The following GBF1 variants were observed in gnomAD, a reference collection of about 807,000 sequenced individuals.
The protein encoded by GBF1 is Golgi-specific brefeldin A-resistance guanine nucleotide exchange factor 1.
A neutral mutation model predicts 210.5 loss-of-function variants in GBF1; 114 were observed. The ratio of observed to expected loss-of-function variants is 0.54; its 90% confidence interval spans 0.47 to 0.63. GBF1 has a LOEUF of 0.63. GBF1 is among the 30% of genes least tolerant of loss of function. The probability of loss-of-function intolerance (pLI) is 0.00; values close to 1 mark genes in which losing one functional copy is unlikely to be tolerated. For missense variants in GBF1, 1,851 were observed against 2,357.7 expected (o/e 0.79, Z 4.45); for synonymous variants, 850 against 889.2 (o/e 0.96, Z 0.78).
chr10:102,306,752 GTGGCCAAGGAAT>G, intron 3 of GBF1, among the ~76,000 whole-genome samples: 1 of 152,182 alleles, frequency 6.6e-6, no homozygotes, highest in Non-Finnish European at 1.5e-5. Flanking sequence ...AGTTACTGAT[GTGGCCAAGGAAT>G]TGGCCATTAT....
At chr10:102,310,975 T>C (rs527790155) in intron 3 of GBF1, among the ~76,000 whole-genome samples, 1 of 152,326 alleles carries the variant, frequency 6.6e-6, no homozygotes, top group South Asian at 2.1e-4. Context: ...GACTCAGCAG[T>C]GTGCAGGGTA....
chr10:102,244,465 A>C (rs2070658003), upstream of GBF1, among the ~76,000 whole-genome samples: 1 of 152,198 alleles, frequency 6.6e-6, no homozygotes, highest in African/African-American at 2.4e-5. Context: ...TAATACAGGT[A>C]ATTCTAAATA....
intron 3 of GBF1, among the ~76,000 whole-genome samples, chr10:102,271,316 C>T (rs2074396577): frequency 6.6e-6 from 1 of 152,100 alleles, no homozygotes; most frequent in Admixed American, 6.5e-5. Context: ...GAATTACAGG[C>T]GTGAGCCACC....
rs764543711 is a variant in GBF1 at position 102,380,543 on chromosome 10, T to C, written c.5030T>C (p.Leu1677Pro). The change falls in exon 38 of 40, where the codon CTG (leucine) becomes CCG (proline). Residue 1677 changes from leucine to proline, a missense_variant. Physicochemically the swap from Leu to Pro is moderately conservative, Grantham distance 98. Transcript: ENST00000369983. The part of the protein sequence containing the change: ...AIPESLKNML[L>P]VMDTAEIFHS... ...CCTGAGTCTCTGAAGAACATGCTTCTGGTGATGGACACAGCGGAGATTTTC... is the reference window on the plus strand; with the variant it reads ...CCTGAGTCTCTGAAGAACATGCTTCCGGTGATGGACACAGCGGAGATTTTC... The C allele has an allele frequency of 6.2e-7, 1 of 1,613,908 alleles. No homozygotes were observed. Among genetic ancestry groups the C allele is most frequent in the Non-Finnish European group, 8.5e-7 (1 of 1,179,906 alleles).
chr10:102,231,637 G>A, the GBF1 span: 2 of 1,612,184 alleles, frequency 1.2e-6, no homozygotes, highest in South Asian at 2.2e-5. Flanking sequence ...CTCCTCGCGC[G>A]TGCTCATGTC....
In GBF1 at chr10:102,362,686, G is replaced by C. The variant is rs924019870; in HGVS notation, c.1876+22G>C. 6 of 1,580,904 alleles carry C rather than the reference G, an allele frequency of 3.8e-6. No individual in the cohort carries two copies. In the African/African-American group the frequency reaches 8.1e-5, roughly 21 times the overall value. ...AATAGTGAGAGGCATTTCTTTCTTT[G>C]ATGAACCCAGTGTTCTATGCTTATC... On this transcript the variant is annotated intron_variant, in intron 15 of 39. Transcript: ENST00000369983.
chr10:102,340,976 G>A (rs35000717), intron 3 of GBF1, among the ~76,000 whole-genome samples: 11,882 of 152,228 alleles, frequency 0.078, 628 homozygotes, highest in Non-Finnish European at 0.12. Context: ...TTCATCAAGA[G>A]TAAAAGTGTC....
chr10:102,307,928 A>G (rs1016867592), intron 3 of GBF1, among the ~76,000 whole-genome samples: 3 of 152,248 alleles, frequency 2.0e-5, no homozygotes, highest in Non-Finnish European at 4.4e-5. Flanking sequence ...ATTAGTCATT[A>G]GGGAACTTCA....
chr10:102,340,983 T>C (rs563667001), intron 3 of GBF1, among the ~76,000 whole-genome samples: 7 of 152,310 alleles, frequency 4.6e-5, no homozygotes, highest in African/African-American at 1.7e-4. Context: ...AGAGTAAAAG[T>C]GTCTGTTCTA....
At chr10:102,237,619 A>G in the GBF1 span, among the ~76,000 whole-genome samples, 3 of 152,152 alleles carry the variant, frequency 2.0e-5, no homozygotes, top group Non-Finnish European at 4.4e-5. Flanking sequence ...CAAAAACAAC[A>G]TCTACTAGAA....
chr10:102,246,024 C>T (rs1329065797), intron 1 of GBF1, among the ~76,000 whole-genome samples: 4 of 152,120 alleles, frequency 2.6e-5, no homozygotes, highest in Non-Finnish European at 5.9e-5. Flanking sequence ...TGCAGGTGCC[C>T]AAATCTTCTG....
intron 3 of GBF1, among the ~76,000 whole-genome samples, chr10:102,334,052 A>G (rs570459367): frequency 2.0e-5 from 3 of 152,286 alleles, no homozygotes; most frequent in South Asian, 4.1e-4. Flanking sequence ...TACATGATCC[A>G]TCTTGTGAAT....
intron 3 of GBF1, among the ~76,000 whole-genome samples, chr10:102,306,676 G>A (rs1458858956): frequency 1.3e-5 from 2 of 152,164 alleles, no homozygotes; most frequent in African/African-American, 2.4e-5. Flanking sequence ...TGCCCACCTG[G>A]GCCTCCCAAA....
the GBF1 span, chr10:102,231,633 G>C: frequency 6.2e-7 from 1 of 1,611,940 alleles, no homozygotes. Flanking sequence ...CGATCTCCTC[G>C]CGCGTGCTCA....
At chr10:102,235,394 A>G in the GBF1 span, among the ~76,000 whole-genome samples, 1 of 152,104 alleles carries the variant, frequency 6.6e-6, no homozygotes, top group Non-Finnish European at 1.5e-5. Context: ...GTCATCTGGT[A>G]TAGCCCAAAG....
At chr10:102,317,250 G>C (rs1306728970) in intron 3 of GBF1, among the ~76,000 whole-genome samples, 3 of 152,142 alleles carry the variant, frequency 2.0e-5, no homozygotes, top group African/African-American at 7.2e-5. Flanking sequence ...GGGCAACATA[G>C]TGAGACCCTG....
intron 3 of GBF1, among the ~76,000 whole-genome samples, chr10:102,276,525 C>CA (rs67888654): frequency 4.0e-4 from 45 of 113,536 alleles, no homozygotes; most frequent in African/African-American, 1.2e-3. Flanking sequence ...GACTCTGCCT[C>CA]AAAAAAAAAA....
At chr10:102,343,378 A>AT (rs1380785307) in intron 3 of GBF1, among the ~76,000 whole-genome samples, 1 of 152,226 alleles carries the variant, frequency 6.6e-6, no homozygotes, top group African/African-American at 2.4e-5. Context: ...ACCTATTTAT[A>AT]TCACAGGGGA....
rs1000278833 is a variant in GBF1, at chr10:102,358,240, T to G, written c.787+54T>G. The G allele has an allele frequency of 2.7e-6, 4 of 1,506,502 alleles. No individual in the cohort carries two copies. The African/African-American group carries it at 4.2e-5, about 16-fold the overall frequency. 93.3% of individuals were successfully genotyped at this position (1,506,502 alleles called of 1,614,324 possible). On this transcript the variant is annotated intron_variant, in intron 9 of 39. Transcript: ENST00000369983. ...TAGACAAAAGAAGAGCTCCTTTCTC[T>G]CTTAGGGATTTTGAAATTGAAGACC...
Sources: gnomAD v4.1 joint callset for allele counts (sites outside exome capture counted in the v4.1 genomes callset) on GRCh38, gnomAD v4.1.1 for gene constraint, MANE v1.5 for transcripts, NCBI Gene and HGNC (gene_info 2026-07-23, HGNC 2026-07-21) for gene names.